Variants in TNFSF4 observed in about 807,000 individuals in gnomAD.
The protein encoded by TNFSF4 is TNF superfamily member 4.
In TNFSF4, 4 loss-of-function variants were observed where a neutral mutation model predicts 7.3. The ratio of observed to expected loss-of-function variants is 0.55; its 90% confidence interval spans 0.27 to 1.25. The LOEUF is 1.25. Among genes scored for constraint, TNFSF4 ranks in the 50% most tolerant of loss-of-function variants. TNFSF4 has a pLI of 0.12. For missense variants in TNFSF4, 181 were observed against 208.8 expected, an observed-to-expected ratio of 0.87 and a Z score of 0.82; for synonymous variants, 76 against 83.7, an observed-to-expected ratio of 0.91 and a Z score of 0.50.
the TNFSF4 span, among the ~76,000 whole-genome samples, chr1:173,373,909 G>A: frequency 2.0e-5 from 3 of 152,184 alleles, no homozygotes; most frequent in Non-Finnish European, 4.4e-5. Context: ...AGTGACAATG[G>A]TCTGGCTTTT....
chr1:173,191,465 C>T (rs534679574), intron 1 of TNFSF4, among the ~76,000 whole-genome samples: 5 of 152,334 alleles, frequency 3.3e-5, no homozygotes, highest in African/African-American at 1.2e-4. Context: ...CCCCCTCATC[C>T]TCCATACCTG....
the TNFSF4 span, chr1:173,417,668 T>G: frequency 6.6e-6 from 1 of 152,102 alleles, no homozygotes; most frequent in African/African-American, 2.4e-5. Flanking sequence ...AAAGATGAGA[T>G]CTCACCTCCG....
the TNFSF4 span, among the ~76,000 whole-genome samples, chr1:173,352,794 G>T: frequency 1.3e-5 from 2 of 150,138 alleles, no homozygotes; most frequent in South Asian, 4.2e-4. Flanking sequence ...GCCTGGGGGT[G>T]CTGCAGGAGG....
the TNFSF4 span, among the ~76,000 whole-genome samples, chr1:173,252,695 T>C: frequency 6.6e-6 from 1 of 152,168 alleles, no homozygotes; most frequent in East Asian, 1.9e-4. Flanking sequence ...GAAGAACCCA[T>C]GCTGAAGGCT....
At position 173,206,769 on chromosome 1, in the gene TNFSF4, G is replaced by A. The variant is rs139791948; in HGVS notation, c.153+255C>T. ...AAAGGGATACAAGGAATCTTGCATTGCAAAGAAAAAGAAAAAGATCTAGAA... is the reference window on the plus strand; with the variant it reads ...AAAGGGATACAAGGAATCTTGCATTACAAAGAAAAAGAAAAAGATCTAGAA... On this transcript the variant is annotated intron_variant, in intron 1 of 2. Transcript: ENST00000281834. Among the ~76,000 whole-genome samples, 346 of 152,214 alleles carry A rather than the reference G, an allele frequency of 2.3e-3. 2 individuals are homozygous for A. The highest frequency in any genetic ancestry group is 0.01 in the Middle Eastern group (3 of 294).
At chr1:173,432,344 T>C in the TNFSF4 span, among the ~76,000 whole-genome samples, 20 of 152,164 alleles carry the variant, frequency 1.3e-4, no homozygotes, top group Non-Finnish European at 2.1e-4. Flanking sequence ...TAATCCCCAA[T>C]GTATTTGTAT....
At chr1:173,346,803 A>G in the TNFSF4 span, among the ~76,000 whole-genome samples, 1 of 152,344 alleles carries the variant, frequency 6.6e-6, no homozygotes, top group Non-Finnish European at 1.5e-5. Flanking sequence ...GAAAGCCATT[A>G]TATTATTGAA....
chr1:173,352,105 G>A, the TNFSF4 span: 144 of 270,768 alleles, frequency 5.3e-4, 1 homozygote, highest in African/African-American at 2.0e-3. Flanking sequence ...ACTGGTGACC[G>A]TCATTGCTAC....
the TNFSF4 span, among the ~76,000 whole-genome samples, chr1:173,394,216 TAA>T: frequency 1.8e-5 from 2 of 112,612 alleles, no homozygotes; most frequent in Non-Finnish European, 3.5e-5. Flanking sequence ...ACTCCATCTT[TAA>T]AAAAAAAAAA....
the TNFSF4 span, among the ~76,000 whole-genome samples, chr1:173,325,608 T>C: frequency 6.6e-6 from 1 of 151,946 alleles, no homozygotes; most frequent in African/African-American, 2.4e-5. Context: ...ACAAAATTGA[T>C]AGACCGCTAG....
chr1:173,427,618 T>C, the TNFSF4 span, among the ~76,000 whole-genome samples: 3 of 152,216 alleles, frequency 2.0e-5, no homozygotes, highest in Non-Finnish European at 4.4e-5. Context: ...CTGACTCTGA[T>C]AAGTCTCTAG....
chr1:173,229,679 A>G, the TNFSF4 span, among the ~76,000 whole-genome samples: 3,617 of 152,296 alleles, frequency 0.024, 131 homozygotes, highest in African/African-American at 0.082. Flanking sequence ...TGCTGTATTC[A>G]GGAGACCCAT....
the TNFSF4 span, among the ~76,000 whole-genome samples, chr1:173,342,510 A>G: frequency 6.7e-6 from 1 of 150,070 alleles, no homozygotes; most frequent in East Asian, 2.1e-4. Context: ...CGAATGATGC[A>G]TTATGCAAAA....
the TNFSF4 span, among the ~76,000 whole-genome samples, chr1:173,316,709 T>C: frequency 6.6e-6 from 1 of 152,086 alleles, no homozygotes; most frequent in Non-Finnish European, 1.5e-5. Context: ...ATGGCTATAG[T>C]TTTTTTCATT....
chr1:173,305,937 G>A, the TNFSF4 span, among the ~76,000 whole-genome samples: 5 of 151,782 alleles, frequency 3.3e-5, no homozygotes, highest in African/African-American at 7.3e-5. Context: ...ATTAGATTTG[G>A]GTGGGGCCAG....
chr1:173,206,375 G>C (rs1472306279), intron 1 of TNFSF4, among the ~76,000 whole-genome samples: 1 of 152,176 alleles, frequency 6.6e-6, no homozygotes, highest in Non-Finnish European at 1.5e-5. Context: ...GAAAATACTA[G>C]AAGGATAATC....
At position 173,185,469 on chromosome 1, in the gene TNFSF4, T is replaced by C. The variant is rs1032305626; in HGVS notation, c.*1047A>G. 1 of 152,198 alleles carries C rather than the reference T, an allele frequency of 6.6e-6. No homozygotes were observed. Among genetic ancestry groups the C allele is most frequent in the East Asian group, 1.9e-4 (1 of 5,194 alleles). 9.4% of individuals were successfully genotyped at this position (152,198 alleles called of 1,614,324 possible). ...TCTAGACAGAGATCATTATTTTTCA[T>C]AAGGCACAATAACTTCTTAGTGCTA... On this transcript the variant is annotated 3_prime_UTR_variant, in exon 3 of 3. Transcript: ENST00000281834.
chr1:173,241,908 T>G, the TNFSF4 span, among the ~76,000 whole-genome samples: 1 of 152,292 alleles, frequency 6.6e-6, no homozygotes, highest in South Asian at 2.1e-4. Flanking sequence ...GTGGATAGCC[T>G]TTTGCATTGC....
chr1:173,417,212 G>A, the TNFSF4 span, among the ~76,000 whole-genome samples: 2 of 152,174 alleles, frequency 1.3e-5, no homozygotes, highest in Non-Finnish European at 2.9e-5. Context: ...GTTTGGGGCC[G>A]AGCCCCACTG....
Sources: allele counts gnomAD v4.1 joint callset (sites outside exome capture counted in the v4.1 genomes callset), GRCh38; gene constraint gnomAD v4.1.1; transcripts MANE v1.5; gene names NCBI Gene and HGNC (gene_info 2026-07-23, HGNC 2026-07-21).